The following EXT1 variants were observed in gnomAD, a reference collection of about 807,000 sequenced individuals.
The protein encoded by EXT1 is exostosin glycosyltransferase 1.
In EXT1, 20 loss-of-function variants were observed where a neutral mutation model predicts 82.5. The ratio of observed to expected loss-of-function variants is 0.24; its 90% CI spans 0.17 to 0.35. The LOEUF is 0.35. Ranked by LOEUF, EXT1 falls within the 10% of genes least tolerant of loss-of-function variation. EXT1 has a pLI of 1.00. For missense variants in EXT1, 757 were observed against 936.5 expected (o/e 0.81, Z 2.50); for synonymous variants, 348 against 350.8 (o/e 0.99, Z 0.09).
At chr8:117,951,687 T>G (rs915086832) in intron 1 of EXT1, among the ~76,000 whole-genome samples, 17 of 152,202 alleles carry the variant, frequency 1.1e-4, no homozygotes, top group Non-Finnish European at 2.4e-4. Flanking sequence ...TGTAGACCAC[T>G]TCCTCTGCTG....
chr8:117,805,664 T>C (rs1266423391), intron 9 of EXT1, among the ~76,000 whole-genome samples: 1 of 152,236 alleles, frequency 6.6e-6, no homozygotes, highest in East Asian at 1.9e-4. Flanking sequence ...TAAATGTTTA[T>C]GCCTTGAGCA....
At chr8:118,042,348 C>T (rs538207865) in intron 1 of EXT1, among the ~76,000 whole-genome samples, 1 of 152,258 alleles carries the variant, frequency 6.6e-6, no homozygotes, top group South Asian at 2.1e-4. Flanking sequence ...GGCTACAGTG[C>T]AGTGGTGCCA....
At chr8:117,819,097 A>C (rs1811877622) in intron 6 of EXT1, among the ~76,000 whole-genome samples, 1 of 152,224 alleles carries the variant, frequency 6.6e-6, no homozygotes, top group African/African-American at 2.4e-5. Context: ...ATACTTCCTT[A>C]TTGAATTCTT....
intron 7 of EXT1, among the ~76,000 whole-genome samples, chr8:117,816,506 G>T (rs1481536904): frequency 1.3e-5 from 2 of 152,138 alleles, no homozygotes; most frequent in Non-Finnish European, 2.9e-5. Flanking sequence ...GAGAGTCAGG[G>T]AAAAGACATA....
At position 117,867,260 on chromosome 8, in the gene EXT1, G is replaced by GGAAAAAAA. The variant is rs774425294; in HGVS notation, c.963-30060_963-30059insTTTTTTTC. On this transcript the variant is annotated intron_variant, in intron 1 of 10. Coordinates refer to ENST00000378204, the MANE Select transcript of EXT1 (RefSeq NM_000127.3). ...GGCGACAGAGTGAGACTCCACCTCA[G>GGAAAAAAA]AAAAAAAAAAAAAGCTTGAGGAAAT... Among the ~76,000 whole-genome samples, 82 of 98,898 alleles carry GGAAAAAAA rather than the reference G, an allele frequency of 8.3e-4. 4 individuals are homozygous for GGAAAAAAA. Among genetic ancestry groups the GGAAAAAAA allele is most frequent in the South Asian group, 1.9e-3 (5 of 2,574 alleles). 64.9% of individuals were successfully genotyped at this position (98,898 alleles called of 152,430 possible).
intron 1 of EXT1, among the ~76,000 whole-genome samples, chr8:117,944,342 G>A (rs1375968216): frequency 6.6e-6 from 1 of 152,256 alleles, no homozygotes; most frequent in Non-Finnish European, 1.5e-5. Flanking sequence ...GGAGGTTGCA[G>A]TGAGCAAGAT....
At chr8:117,993,330 C>G (rs918014386) in intron 1 of EXT1, among the ~76,000 whole-genome samples, 1 of 152,212 alleles carries the variant, frequency 6.6e-6, no homozygotes, top group African/African-American at 2.4e-5. Context: ...ACTAGCATTT[C>G]TCCAACTATA....
At chr8:118,096,099 A>G (rs374850365) in intron 1 of EXT1, among the ~76,000 whole-genome samples, 1 of 152,216 alleles carries the variant, frequency 6.6e-6, no homozygotes, top group East Asian at 1.9e-4. Context: ...ACGTAACCTG[A>G]GCAAAAAATG....
chr8:117,839,653 T>C (rs988180290), intron 1 of EXT1, among the ~76,000 whole-genome samples: 1 of 152,186 alleles, frequency 6.6e-6, no homozygotes, highest in Non-Finnish European at 1.5e-5. Context: ...ATTACTAACA[T>C]GTTCTACCTG....
At chr8:117,875,346 G>T (rs1039659436) in intron 1 of EXT1, among the ~76,000 whole-genome samples, 1 of 151,994 alleles carries the variant, frequency 6.6e-6, no homozygotes, top group African/African-American at 2.4e-5. Context: ...GCTTGAACCC[G>T]GGAGGTGGAG....
At chr8:117,989,061 C>CAAAAA (rs10649300) in intron 1 of EXT1, among the ~76,000 whole-genome samples, 1 of 105,326 alleles carries the variant, frequency 9.5e-6, no homozygotes, top group Admixed American at 1.0e-4. Flanking sequence ...CCCCTCCTCT[C>CAAAAA]AAAAAAAAAA....
chr8:118,011,069 T>C (rs143665736), intron 1 of EXT1, among the ~76,000 whole-genome samples: 446 of 152,214 alleles, frequency 2.9e-3, no homozygotes, highest in African/African-American at 0.01. Flanking sequence ...AGGACTCATC[T>C]GGTCAGCTAT....
intron 1 of EXT1, among the ~76,000 whole-genome samples, chr8:118,026,480 T>C (rs979422004): frequency 3.3e-5 from 5 of 152,160 alleles, no homozygotes; most frequent in Non-Finnish European, 7.3e-5. Flanking sequence ...CAATATAAAC[T>C]GTGAAATTCC....
chr8:117,841,263 C>T (rs146774665), intron 1 of EXT1, among the ~76,000 whole-genome samples: 44 of 152,268 alleles, frequency 2.9e-4, no homozygotes, highest in Admixed American at 7.8e-4. Flanking sequence ...TTGATACACA[C>T]GACAACTTCA....
rs183734865 is a variant in EXT1, at chr8:118,104,817, T to G, written c.962+5268A>C. 1.6e-3 allele frequency among the ~76,000 whole-genome samples: 239 copies of G among 152,338 alleles called. 1 individual carries two copies. The highest frequency in any genetic ancestry group is 5.7e-3 in the African/African-American group (237 of 41,574). On this transcript the variant is annotated intron_variant, in intron 1 of 10. Coordinates refer to ENST00000378204, the MANE Select transcript of EXT1 (RefSeq NM_000127.3). ...GCTCAACCTGTAGTTATTAACCTCATGGAAACATAAGCTTCTGTGTTCATG... is the reference window on the plus strand; with the variant it reads ...GCTCAACCTGTAGTTATTAACCTCAGGGAAACATAAGCTTCTGTGTTCATG...
chr8:117,994,198 C>A (rs552148615), intron 1 of EXT1, among the ~76,000 whole-genome samples: 1 of 152,292 alleles, frequency 6.6e-6, no homozygotes, highest in Non-Finnish European at 1.5e-5. Flanking sequence ...CTAATGCTTA[C>A]CACGTACATT....
At position 117,835,447 on chromosome 8, in the gene EXT1, T is replaced by C. The variant is rs200256697; in HGVS notation, c.1161A>G (p.Leu387=). Residue 387 remains leucine, a synonymous_variant, in exon 3 of 11, where the codon TTA becomes TTG. Coordinates refer to ENST00000378204, the MANE Select transcript of EXT1 (RefSeq NM_000127.3). ...AAVIGDERLL[L]QIPSTIRSIH... ...AAGGCCACAGCCCCTTCCTTACCTGTAATAACAATCTCTCATCGCCTATGA... is the reference window on the plus strand; with the variant it reads ...AAGGCCACAGCCCCTTCCTTACCTGCAATAACAATCTCTCATCGCCTATGA... The C allele has an allele frequency of 5.4e-5, 87 of 1,612,902 alleles. No homozygotes were observed. In the East Asian group the frequency reaches 1.8e-3, roughly 33 times the overall value.
intron 1 of EXT1, among the ~76,000 whole-genome samples, chr8:118,041,644 A>AAAAG (rs1404926445): frequency 6.8e-6 from 1 of 146,360 alleles, no homozygotes; most frequent in Non-Finnish European, 1.5e-5. Context: ...TTAAACAAGA[A>AAAAG]AAAGAAAGAA....
intron 4 of EXT1, among the ~76,000 whole-genome samples, chr8:117,828,844 G>A (rs1348541472): frequency 6.6e-6 from 1 of 152,122 alleles, no homozygotes; most frequent in Admixed American, 6.5e-5. Flanking sequence ...ACACTGACCA[G>A]AGCTCGCCCT....
Sources: gnomAD v4.1 joint callset for allele counts (sites outside exome capture counted in the v4.1 genomes callset) on GRCh38, gnomAD v4.1.1 for gene constraint, MANE v1.5 for transcripts, NCBI Gene and HGNC (gene_info 2026-07-23, HGNC 2026-07-21) for gene names.